The following ANKS1B variants were observed in gnomAD, a reference collection of about 807,000 sequenced individuals.
The protein encoded by ANKS1B is ankyrin repeat and sterile alpha motif domain-containing protein 1B.
A neutral mutation model predicts 148.3 loss-of-function variants in ANKS1B; 36 were observed. That is an observed-to-expected ratio of 0.24 (90% CI 0.19 to 0.32). The LOEUF is 0.32. Among genes scored for constraint, ANKS1B ranks in the 10% least tolerant of loss-of-function variants. The pLI, the probability that ANKS1B is intolerant of heterozygous loss-of-function variation, is 1.00. For missense variants in ANKS1B, 1,157 were observed against 1,542.6 expected, an observed-to-expected ratio of 0.75 and a Z score of 4.19; for synonymous variants, 542 against 560.8, an observed-to-expected ratio of 0.97 and a Z score of 0.47.
chr12:99,131,391 C>G (rs2066042556), intron 15 of ANKS1B, among the ~76,000 whole-genome samples: 1 of 152,132 alleles, frequency 6.6e-6, no homozygotes, highest in African/African-American at 2.4e-5. Context: ...ACTGATTGAG[C>G]AATATATGCT....
At chr12:98,735,609 C>T (rs2097768712) in exon 10 of ANKS1B, 1 of 773,416 alleles carries the variant, frequency 1.3e-6, no homozygotes, top group Non-Finnish European at 2.4e-6. Flanking sequence ...TGGTTCCTGC[C>T]CGGTATGGCT....
At chr12:99,607,995 G>C (rs2097863507) in intron 9 of ANKS1B, among the ~76,000 whole-genome samples, 1 of 151,982 alleles carries the variant, frequency 6.6e-6, no homozygotes, top group South Asian at 2.1e-4. Flanking sequence ...ACATAAATGA[G>C]CCTAGGCAAA....
chr12:99,562,363 T>G (rs77773751), intron 9 of ANKS1B, among the ~76,000 whole-genome samples: 8,744 of 152,268 alleles, frequency 0.057, 366 homozygotes, highest in East Asian at 0.24. Context: ...AGTCAGCCTG[T>G]CCTTTGTAGA....
At chr12:98,785,704 G>A (rs528598680) in intron 22 of ANKS1B, among the ~76,000 whole-genome samples, 1 of 152,138 alleles carries the variant, frequency 6.6e-6, no homozygotes, top group South Asian at 2.1e-4. Context: ...TCCCAGGGAC[G>A]AAGGCGCCTA....
intron 21 of ANKS1B, among the ~76,000 whole-genome samples, chr12:98,799,802 T>C (rs1293653163): frequency 6.6e-6 from 1 of 152,146 alleles, no homozygotes; most frequent in African/African-American, 2.4e-5. Context: ...CTTCAACCTT[T>C]TGAAGCTTTA....
At chr12:99,300,315 C>A (rs965099930) in intron 12 of ANKS1B, among the ~76,000 whole-genome samples, 1 of 122,662 alleles carries the variant, frequency 8.2e-6, no homozygotes, top group Non-Finnish European at 1.6e-5. Flanking sequence ...AGCTCATTAT[C>A]ATTTTAGAAG....
intron 17 of ANKS1B, among the ~76,000 whole-genome samples, chr12:98,843,699 C>T (rs531017577): frequency 6.6e-5 from 10 of 152,190 alleles, no homozygotes; most frequent in African/African-American, 2.4e-4. Flanking sequence ...AGAAGGTGTG[C>T]CAGGGTGGGG....
At chr12:99,593,866 T>C in intron 9 of ANKS1B, among the ~76,000 whole-genome samples, 1 of 152,104 alleles carries the variant, frequency 6.6e-6, no homozygotes, top group East Asian at 1.9e-4. Flanking sequence ...TTATTTATAA[T>C]AAATAAATTT....
At chr12:99,507,751 A>T (rs1187330868) in intron 9 of ANKS1B, among the ~76,000 whole-genome samples, 2 of 151,868 alleles carry the variant, frequency 1.3e-5, no homozygotes, top group African/African-American at 2.4e-5. Flanking sequence ...AAATATTTCA[A>T]TGTCAAGAAA....
chr12:99,063,287 C>T (rs2043041182), intron 16 of ANKS1B, among the ~76,000 whole-genome samples: 1 of 152,174 alleles, frequency 6.6e-6, no homozygotes. Context: ...GCTCCTTGTT[C>T]TAGACTCTTC....
chr12:99,509,376 C>T (rs77591003), intron 9 of ANKS1B, among the ~76,000 whole-genome samples: 3,859 of 151,918 alleles, frequency 0.025, 78 homozygotes, highest in South Asian at 0.088. Flanking sequence ...GCTGTGAATG[C>T]AAAGGAAAAG....
At chr12:98,802,180 C>T (rs1280385305) in intron 20 of ANKS1B, among the ~76,000 whole-genome samples, 1 of 152,184 alleles carries the variant, frequency 6.6e-6, no homozygotes, top group Non-Finnish European at 1.5e-5. Flanking sequence ...TGAGAAATTA[C>T]TTTTCTCAGG....
At chr12:99,952,229 C>A (rs2095238849) in intron 1 of ANKS1B, among the ~76,000 whole-genome samples, 1 of 152,126 alleles carries the variant, frequency 6.6e-6, no homozygotes. Context: ...ATGCATGGAA[C>A]CCCTATTGGT....
intron 12 of ANKS1B, among the ~76,000 whole-genome samples, chr12:99,298,199 T>C (rs953408256): frequency 1.3e-5 from 2 of 152,218 alleles, no homozygotes; most frequent in Non-Finnish European, 2.9e-5. Context: ...CTTTCATTTA[T>C]TGAATGTTTC....
intron 17 of ANKS1B, among the ~76,000 whole-genome samples, chr12:98,838,545 G>A (rs1431763711): frequency 1.3e-5 from 2 of 152,172 alleles, no homozygotes; most frequent in Non-Finnish European, 2.9e-5. Flanking sequence ...TACACATGCA[G>A]CGATGCTGGG....
chr12:99,523,924 G>A (rs540082084), intron 9 of ANKS1B, among the ~76,000 whole-genome samples: 45 of 152,310 alleles, frequency 3.0e-4, no homozygotes, highest in African/African-American at 1.1e-3. Context: ...AAGTAAATGA[G>A]AGAATCAGAA....
intron 1 of ANKS1B, among the ~76,000 whole-genome samples, chr12:99,826,019 ATT>A (rs5800385): frequency 6.0e-5 from 9 of 151,168 alleles, no homozygotes; most frequent in Middle Eastern, 3.4e-3. Flanking sequence ...AAAAGAGTCT[ATT>A]TTTTTTTTGA....
chr12:99,713,822 T>C (rs997098940), intron 8 of ANKS1B, among the ~76,000 whole-genome samples: 4 of 152,192 alleles, frequency 2.6e-5, no homozygotes, highest in Non-Finnish European at 5.9e-5. Context: ...TTTTCTATCA[T>C]GCTCCTCAAC....
At chr12:99,677,981 AT>A (rs879428021) in intron 8 of ANKS1B, among the ~76,000 whole-genome samples, 3 of 152,158 alleles carry the variant, frequency 2.0e-5, no homozygotes, top group Non-Finnish European at 2.9e-5. Context: ...TCAAAAAAAA[AT>A]TTTTTTTCAG....
Sources: allele counts gnomAD v4.1 joint callset (sites outside exome capture counted in the v4.1 genomes callset), GRCh38; gene constraint gnomAD v4.1.1; transcripts MANE v1.5; gene names NCBI Gene and HGNC (gene_info 2026-07-23, HGNC 2026-07-21).